Variants in HIRA observed in about 807,000 individuals in gnomAD.
HIRA encodes histone cell cycle regulator, also known as protein HIRA.
In HIRA, 13 loss-of-function variants were observed where a neutral mutation model predicts 126.6. That is an observed-to-expected ratio of 0.10 (90% CI 0.07 to 0.16). The LOEUF (loss-of-function observed/expected upper bound fraction) is 0.16. Ranked by LOEUF, HIRA falls within the 10% of genes least tolerant of loss-of-function variation. The probability of loss-of-function intolerance (pLI) is 1.00; values close to 1 mark genes in which losing one functional copy is unlikely to be tolerated. For synonymous variants in HIRA, 511 were observed against 520.0 expected (o/e 0.98, Z 0.24); for missense variants, 834 against 1,314.4 (o/e 0.63, Z 5.65).
At chr22:19,388,087 T>C (rs1209111940) in intron 10 of HIRA, among the ~76,000 whole-genome samples, 1 of 152,198 alleles carries the variant, frequency 6.6e-6, no homozygotes, top group African/African-American at 2.4e-5. Flanking sequence ...TCAATTTTAC[T>C]TATCTTACTT....
chr22:19,378,269 T>C (rs2089037957), intron 13 of HIRA, among the ~76,000 whole-genome samples: 1 of 152,238 alleles, frequency 6.6e-6, no homozygotes, highest in Non-Finnish European at 1.5e-5. Context: ...AGGTTCTATA[T>C]GTACTACTAA....
chr22:19,393,105 G>A (rs770739526), intron 8 of HIRA, among the ~76,000 whole-genome samples: 8 of 152,160 alleles, frequency 5.3e-5, no homozygotes, highest in Non-Finnish European at 8.8e-5. Flanking sequence ...TGAGGCTGCA[G>A]GGCCTTAGGA....
intron 5 of HIRA, among the ~76,000 whole-genome samples, chr22:19,401,253 A>C (rs529108909): frequency 6.6e-6 from 1 of 152,254 alleles, no homozygotes; most frequent in Non-Finnish European, 1.5e-5. Context: ...AATAAGCAAT[A>C]CGCTGCCTGT....
rs1406289361 is a variant in HIRA, at chr22:19,424,928, C to T, written c.37+6512G>A. Among the ~76,000 whole-genome samples the T allele has an allele frequency of 3.3e-5, 5 of 152,254 alleles. No individual in the cohort carries two copies. In the East Asian group the frequency reaches 7.7e-4, roughly 23 times the overall value. On this transcript the variant is annotated intron_variant, in intron 1 of 24. Coordinates refer to ENST00000263208, the MANE Select transcript of HIRA (RefSeq NM_003325.4). ...CTTCCTCTCCTGTCATCAGTGTCGG[C>T]CCTGTTCCAAGCTGGCTTTTACACG... is the stretch of plus-strand genomic sequence containing the variant.
chr22:19,420,040 T>TTGTG (rs59900884), intron 1 of HIRA, among the ~76,000 whole-genome samples: 4,280 of 147,290 alleles, frequency 0.029, 87 homozygotes, highest in Middle Eastern at 0.13. Flanking sequence ...CATACAACCA[T>TTGTG]TGTGTGTGTG....
chr22:19,390,672 G>T (rs1314622972), intron 9 of HIRA, among the ~76,000 whole-genome samples: 2 of 148,724 alleles, frequency 1.3e-5, no homozygotes, highest in Admixed American at 6.8e-5. Flanking sequence ...AGCGAGTGAG[G>T]AGTACTAGGC....
At chr22:19,357,796 A>G (rs2088827227) in intron 18 of HIRA, among the ~76,000 whole-genome samples, 1 of 152,180 alleles carries the variant, frequency 6.6e-6, no homozygotes, top group South Asian at 2.1e-4. Flanking sequence ...TATCCTGGTG[A>G]GCCAGTCACT....
chr22:19,386,777 A>G (rs1196355323), intron 11 of HIRA, among the ~76,000 whole-genome samples: 1 of 152,214 alleles, frequency 6.6e-6, no homozygotes, highest in African/African-American at 2.4e-5. Context: ...CAGGTACCTG[A>G]TGACAGTGAC....
At chr22:19,346,695 A>T (rs1160502748) in intron 24 of HIRA, among the ~76,000 whole-genome samples, 2 of 152,146 alleles carry the variant, frequency 1.3e-5, no homozygotes, top group Non-Finnish European at 2.9e-5. Context: ...TTCTTTTCTG[A>T]TGAGAGGGTG....
intron 15 of HIRA, 101 bp from the exon 16 acceptor site, chr22:19,362,032 T>G: frequency 9.2e-7 from 1 of 1,082,706 alleles, no homozygotes; most frequent in Non-Finnish European, 1.3e-6. Context: ...CTTGCCAACC[T>G]AGAATTCTGT....
intron 16 of HIRA, 123 bp downstream of exon 16, chr22:19,361,604 T>C (rs1280558426): frequency 3.1e-6 from 3 of 957,986 alleles, no homozygotes; most frequent in East Asian, 4.8e-5. Flanking sequence ...AGGGGCTGCA[T>C]GTCTAAGCCA....
chr22:19,376,321 C>G (rs184756412), intron 14 of HIRA, among the ~76,000 whole-genome samples: 1 of 152,332 alleles, frequency 6.6e-6, no homozygotes, highest in East Asian at 1.9e-4. Context: ...GCTCATCACA[C>G]AACTTTCATC....
At position 19,359,395 on chromosome 22, in the gene HIRA, C is replaced by A; in HGVS notation, c.2175G>T (p.Arg725=). 6.2e-7 allele frequency: 1 copy of A among 1,610,866 alleles called. No individual in the cohort carries two copies. Among genetic ancestry groups the A allele is most frequent in the Non-Finnish European group, 8.5e-7 (1 of 1,178,762 alleles). ...GVKLSRLKCN[R]EGKEWETVLT... is the part of the protein sequence containing the mutation. The stretch of plus-strand genomic sequence containing the variant: ...GTACCGTCTCCCACTCCTTCCCTTC[C>A]CGGTTGCACTTCAGGCGGCTCAGCT... Residue 725 remains arginine (R), a synonymous_variant, in exon 18 of 25, where the codon CGG becomes CGT. Coordinates refer to ENST00000263208, the MANE Select transcript of HIRA (RefSeq NM_003325.4).
intron 1 of HIRA, among the ~76,000 whole-genome samples, chr22:19,422,604 A>G (rs1407122668): frequency 6.6e-6 from 1 of 152,028 alleles, no homozygotes; most frequent in Non-Finnish European, 1.5e-5. Flanking sequence ...TGCTCCAACC[A>G]CAATGACATC....
At position 19,375,774 on chromosome 22, in the gene HIRA, A is replaced by C; in HGVS notation, c.1632T>G (p.Thr544=). 6.2e-7 allele frequency: 1 copy of C among 1,614,154 alleles called. No homozygotes were observed. The change falls in exon 15 of 25, where the codon ACT becomes ACG. Residue 544 remains threonine, a synonymous_variant. Coordinates refer to ENST00000263208, the MANE Select transcript of HIRA (RefSeq NM_003325.4). ...ACACAGAAGGTGACAATGCAGCAGG[A>C]GTAGAGGTAGCATTCATACTGGGGT... is the stretch of plus-strand genomic sequence containing the variant. ...VNKDSMNATS[T]PAALSPSVLT...
At chr22:19,366,843 C>T (rs2088918033) in intron 15 of HIRA, among the ~76,000 whole-genome samples, 1 of 152,214 alleles carries the variant, frequency 6.6e-6, no homozygotes, top group African/African-American at 2.4e-5. Flanking sequence ...TCGCTGCAAC[C>T]TCCGCCTCCT....
At position 19,351,299 on chromosome 22, in the gene HIRA, A is replaced by G. The variant is rs1712189543; in HGVS notation, c.2937+59T>C. Reference sequence around the variant, plus strand: ...CAAAGCACTTTGGCTTATTTAAAAAATCTCCACCTTCATGTTTCAAGAAAG... The same window carrying G: ...CAAAGCACTTTGGCTTATTTAAAAAGTCTCCACCTTCATGTTTCAAGAAAG... On this transcript the variant is annotated intron_variant, in intron 24 of 24. Coordinates refer to ENST00000263208, the MANE Select transcript of HIRA (RefSeq NM_003325.4). The surrounding 1 kb of genome is among the most constrained non-coding windows in gnomAD (Gnocchi z 4.8). 1 of 1,568,962 alleles carries G rather than the reference A, an allele frequency of 6.4e-7. No individual in the cohort carries two copies. The highest frequency in any genetic ancestry group is 1.4e-5 in the African/African-American group (1 of 72,508).
At chr22:19,402,133 T>C (rs1312715588) in intron 5 of HIRA, among the ~76,000 whole-genome samples, 1 of 152,224 alleles carries the variant, frequency 6.6e-6, no homozygotes, top group African/African-American at 2.4e-5. Context: ...GGACTCTGCC[T>C]TCTAGGCTCA....
chr22:19,352,235 C>T (rs892489735), intron 23 of HIRA, among the ~76,000 whole-genome samples: 1 of 151,828 alleles, frequency 6.6e-6, no homozygotes, highest in African/African-American at 2.4e-5. Flanking sequence ...CAGAAGTCAT[C>T]CCAAGATGGG....
Sources: allele counts gnomAD v4.1 joint callset (sites outside exome capture counted in the v4.1 genomes callset), GRCh38; gene constraint gnomAD v4.1.1; non-coding constraint Gnocchi (gnomAD v3.1); transcripts MANE v1.5; gene names NCBI Gene and HGNC (gene_info 2026-07-23, HGNC 2026-07-21).